Variants in PRMT2 observed in about 807,000 individuals in gnomAD.
The protein encoded by PRMT2 is protein arginine methyltransferase 2.
PRMT2 carries 26 observed loss-of-function variants against 57.6 expected under a neutral mutation model. That is an observed-to-expected ratio of 0.45 (90% CI 0.33 to 0.63). PRMT2 has a LOEUF of 0.63. PRMT2 is among the 20% of genes least tolerant of loss of function. The pLI, the probability that PRMT2 is intolerant of heterozygous loss-of-function variation, is 0.02. For synonymous variants in PRMT2, 219 were observed against 220.0 expected (o/e 1.00, Z 0.04); for missense variants, 472 against 564.4 (o/e 0.84, Z 1.66).
intron 8 of PRMT2, chr21:46,660,108 G>A: frequency 2.1e-6 from 2 of 970,966 alleles, no homozygotes; most frequent in East Asian, 1.1e-4. Flanking sequence ...TGTAAATATA[G>A]TGGAATCTTT....
chr21:46,645,522 A>T (rs955255678), intron 5 of PRMT2, among the ~76,000 whole-genome samples: 4 of 152,160 alleles, frequency 2.6e-5, no homozygotes, highest in Non-Finnish European at 5.9e-5. Flanking sequence ...TTTCCCCACC[A>T]TGGAGAAATG....
intron 3 of PRMT2, among the ~76,000 whole-genome samples, chr21:46,642,804 C>T (rs1424531607): frequency 6.6e-6 from 1 of 152,080 alleles, no homozygotes; most frequent in Non-Finnish European, 1.5e-5. Flanking sequence ...AGGTGGATTG[C>T]CTGAGCTGAG....
At chr21:46,664,024 G>A (rs1164166181) in intron 11 of PRMT2, among the ~76,000 whole-genome samples, 1 of 152,154 alleles carries the variant, frequency 6.6e-6, no homozygotes, top group Non-Finnish European at 1.5e-5. Flanking sequence ...GCTCACTTGG[G>A]CTTCCTGTCT....
intron 7 of PRMT2, chr21:46,656,743 A>G (rs903549891): frequency 6.6e-6 from 1 of 152,216 alleles, no homozygotes; most frequent in Non-Finnish European, 1.5e-5. Context: ...AAATCATAGA[A>G]AATCTTCATC....
At chr21:46,659,098 C>G (rs2061583115) in intron 8 of PRMT2, 178 bp downstream of exon 8, 2 of 1,387,428 alleles carry the variant, frequency 1.4e-6, no homozygotes, top group South Asian at 1.7e-5. Flanking sequence ...GGTGCTATAA[C>G]AAGACAGATG....
At chr21:46,643,683 T>G (rs765687597) in intron 4 of PRMT2, 44 bp downstream of exon 4, 11 of 1,557,540 alleles carry the variant, frequency 7.1e-6, no homozygotes, top group Non-Finnish European at 8.7e-6. Flanking sequence ...TTCAGCATGT[T>G]CAGTGTCAAA....
chr21:46,656,029 T>G (rs1457195128), intron 7 of PRMT2, among the ~76,000 whole-genome samples: 4 of 152,154 alleles, frequency 2.6e-5, no homozygotes, highest in African/African-American at 7.2e-5. Context: ...TGTGGTGGTG[T>G]TGGGAGGTGG....
intron 7 of PRMT2, among the ~76,000 whole-genome samples, chr21:46,655,417 A>G (rs563960468): frequency 6.6e-6 from 1 of 152,324 alleles, no homozygotes; most frequent in Admixed American, 6.5e-5. Flanking sequence ...TTGAAAATCA[A>G]TCAGTGTAAT....
chr21:46,651,659 A>G lies in PRMT2; in HGVS notation c.654+1920A>G, dbSNP rs2061454514. 8 of 884,170 alleles carry G rather than the reference A, an allele frequency of 9.0e-6. No homozygotes were observed. In the East Asian group the frequency reaches 1.3e-4, roughly 15 times the overall value. The allele number at this position is 884,170 out of a possible 1,614,324, so 54.8% of individuals were successfully genotyped here. A position where few individuals can be genotyped will look rare whatever the true frequency, so the allele number is the denominator to read the frequency against. On this transcript the variant is annotated intron_variant, in intron 7 of 11. Coordinates refer to ENST00000355680, the MANE Select transcript of PRMT2 (RefSeq NM_206962.4). ...ACCACCACCATCATTACTCAGGCCA[A>G]GGAGGCCCAGAACAGGGCAGACGGG...
intron 7 of PRMT2, chr21:46,652,444 T>C (rs961832535): frequency 2.9e-6 from 3 of 1,046,544 alleles, no homozygotes; most frequent in Non-Finnish European, 3.5e-6. Context: ...GGTAACCTCA[T>C]GGAAGGTGAG....
At chr21:46,653,930 T>C in intron 7 of PRMT2, 2 of 1,014,526 alleles carry the variant, frequency 2.0e-6, no homozygotes, top group Non-Finnish European at 1.2e-6. Flanking sequence ...CCTTTTTTCT[T>C]TTCTTGTTTT....
chr21:46,652,084 T>C (rs2061468789), intron 7 of PRMT2: 1 of 1,572,774 alleles, frequency 6.4e-7, no homozygotes, highest in East Asian at 2.3e-5. Context: ...TTTCAGTCAG[T>C]GCAGCAAGGG....
chr21:46,639,310 A>C (rs146847668), intron 3 of PRMT2, among the ~76,000 whole-genome samples: 64 of 152,262 alleles, frequency 4.2e-4, no homozygotes, highest in African/African-American at 1.4e-3. Flanking sequence ...TGCAAAGACT[A>C]TGTATTCTGC....
chr21:46,658,126 CT>C (rs2061566728), intron 7 of PRMT2: 2 of 152,524 alleles, frequency 1.3e-5, no homozygotes, highest in South Asian at 4.1e-4. Context: ...CTGGTGCTCC[CT>C]CTACTCCTTT....
chr21:46,645,678 A>G (rs1471682977), intron 5 of PRMT2, among the ~76,000 whole-genome samples: 1 of 152,052 alleles, frequency 6.6e-6, no homozygotes, highest in Non-Finnish European at 1.5e-5. Flanking sequence ...ACTCAATTAT[A>G]TAAAGTTAAG....
chr21:46,651,775 G>C, intron 7 of PRMT2: 1 of 1,611,596 alleles, frequency 6.2e-7, no homozygotes, highest in Non-Finnish European at 8.5e-7. Context: ...TCGTTGGTGC[G>C]GTTGTACCCA....
At chr21:46,640,153 G>A (rs1476396506) in intron 3 of PRMT2, among the ~76,000 whole-genome samples, 5 of 151,786 alleles carry the variant, frequency 3.3e-5, no homozygotes, top group Middle Eastern at 6.8e-3. Flanking sequence ...ATTTACCAGC[G>A]TCCATATTTT....
At position 46,663,541 on chromosome 21, in the gene PRMT2, C is replaced by G; in HGVS notation, c.1256C>G (p.Pro419Arg). The G allele has an allele frequency of 6.2e-7, 1 of 1,613,614 alleles. No homozygotes were observed. The highest frequency in any genetic ancestry group is 8.5e-7 in the Non-Finnish European group (1 of 1,179,690). Residue 419 changes from proline to arginine, a missense_variant, in exon 11 of 12, where the codon CCC becomes CGC. By Grantham distance (103) the Pro-to-Arg change is moderately radical (BLOSUM62 -2). Around this residue, in one of 2 missense-constraint regions of PRMT2, gnomAD observed 229 missense variants for 217.2 expected, o/e 1.05. Coordinates refer to ENST00000355680, the MANE Select transcript of PRMT2 (RefSeq NM_206962.4). ...TGGGCTGTCACTTCCAGACAAGACCCCACATCTCAAAAAGTAAGATACGTA... is the reference window on the plus strand; with the variant it reads ...TGGGCTGTCACTTCCAGACAAGACCGCACATCTCAAAAAGTAAGATACGTA... The part of the protein sequence containing the change: ...LSWAVTSRQD[P>R]TSQKVGEKVF...
In PRMT2 at chr21:46,655,502, C is replaced by G. The variant is rs567161357; in HGVS notation, c.655-3243C>G. On this transcript the variant is annotated intron_variant, in intron 7 of 11. Transcript: ENST00000355680. ...GAAAAAAATTGACAAAATTCAACAT[C>G]AGTTCATGATAAAATTCTCAGCAAA... Among the ~76,000 whole-genome samples the G allele has an allele frequency of 1.2e-4, 19 of 152,160 alleles. No homozygotes were observed. In the South Asian group the frequency reaches 3.7e-3, roughly 30 times the overall value.
Sources: allele counts gnomAD v4.1 joint callset (sites outside exome capture counted in the v4.1 genomes callset), GRCh38; gene constraint gnomAD v4.1.1; regional missense constraint gnomAD v4.1.1; transcripts MANE v1.5; gene names NCBI Gene and HGNC (gene_info 2026-07-23, HGNC 2026-07-21).